CNOT3: variants seen among roughly 807,000 people sequenced by gnomAD.
The protein encoded by CNOT3 is CCR4-associated factor 3.
In CNOT3, 2 loss-of-function variants were observed where a neutral mutation model predicts 89.4. That is an observed-to-expected ratio of 0.02 (90% CI 0.01 to 0.07). The LOEUF (loss-of-function observed/expected upper bound fraction) is 0.07. CNOT3 is among the 10% of genes least tolerant of loss of function. The probability of loss-of-function intolerance (pLI) is 1.00; values close to 1 mark genes in which losing one functional copy is unlikely to be tolerated. For missense variants in CNOT3, 664 were observed against 1,010.2 expected, an observed-to-expected ratio of 0.66 and a Z score of 4.65; for synonymous variants, 486 against 402.0, an observed-to-expected ratio of 1.21 and a Z score of -2.50.
chr19:54,148,068 A>G lies in CNOT3; in HGVS notation c.895-80A>G. Reference sequence around the variant, plus strand: ...GCCAGAGAGGAGGCTGCTGGGACAAAGATGGAGCCTGAGGTGGGGGTGGTG... The same window carrying G: ...GCCAGAGAGGAGGCTGCTGGGACAAGGATGGAGCCTGAGGTGGGGGTGGTG... On this transcript the variant is annotated intron_variant, in intron 10 of 17. Coordinates refer to ENST00000221232, the MANE Select transcript of CNOT3 (RefSeq NM_014516.4). This position sits in a 1 kb window ranked among gnomAD's most constrained non-coding sequence, Gnocchi z 6.3. 2.6e-6 allele frequency: 3 copies of G among 1,152,436 alleles called. No individual in the cohort carries two copies. The highest frequency in any genetic ancestry group is 3.5e-6 in the Non-Finnish European group (3 of 861,206). 71.4% of individuals were successfully genotyped at this position (1,152,436 alleles called of 1,614,324 possible).
chr19:54,146,248 G>A (rs953850106), intron 9 of CNOT3, among the ~76,000 whole-genome samples: 3 of 152,208 alleles, frequency 2.0e-5, no homozygotes, highest in South Asian at 2.1e-4. Flanking sequence ...TGCATCCCGC[G>A]CCAGTTTAGG....
intron 13 of CNOT3, among the ~76,000 whole-genome samples, chr19:54,151,269 C>A (rs1273401796): frequency 1.3e-5 from 2 of 152,114 alleles, no homozygotes; most frequent in Non-Finnish European, 1.5e-5. Context: ...AGAGAAGGAA[C>A]AACATGACTT....
chr19:54,153,972 A>G, intron 17 of CNOT3, 132 bp downstream of exon 17: 1 of 1,160,810 alleles, frequency 8.6e-7, no homozygotes, highest in Non-Finnish European at 1.3e-6. Flanking sequence ...CTGACCAAGT[A>G]CTCCTCCCTC....
Position 54,152,899 on chromosome 19 carries a change from C to A in CNOT3, c.1937C>A (p.Pro646His), listed in dbSNP as rs1249875756. The A allele has an allele frequency of 6.4e-7, 1 of 1,555,346 alleles. No homozygotes were observed. Among genetic ancestry groups the A allele is most frequent in the Non-Finnish European group, 8.7e-7 (1 of 1,142,882 alleles). The change falls in exon 16 of 18, where the codon CCC becomes CAC. Residue 646 changes from proline (P) to histidine (H), a missense_variant. By Grantham distance (77) the Pro-to-His change is moderately conservative. Transcript: ENST00000221232. ...CTCCCCCGGAACCCCTGTCCGACGCCCCCCTACCACCACCAGATGCCACCC... is the reference window on the plus strand; with the variant it reads ...CTCCCCCGGAACCCCTGTCCGACGCACCCCTACCACCACCAGATGCCACCC... ...QYLPRNPCPT[P>H]PYHHQMPPPH... is the part of the protein sequence containing the mutation.
In CNOT3 at chr19:54,146,663, T is replaced by G. The variant is rs2074687421; in HGVS notation, c.894+6T>G. The G allele has an allele frequency of 1.3e-6, 2 of 1,508,634 alleles. No homozygotes were observed. Among genetic ancestry groups the G allele is most frequent in the East Asian group, 2.3e-5 (1 of 44,420 alleles). 93.5% of individuals were successfully genotyped at this position (1,508,634 alleles called of 1,614,324 possible). On this transcript the variant is annotated splice_donor_region_variant and intron_variant, in intron 10 of 17. Coordinates refer to ENST00000221232, the MANE Select transcript of CNOT3 (RefSeq NM_014516.4). ...CAGACAGTGAAGTCAGCCAGGTGGG[T>G]GTGAGCCTGGACCGGGTGGGCACGC...
intron 5 of CNOT3, 43 bp from the exon 6 acceptor site, chr19:54,143,963 T>C (rs1239748915): frequency 6.3e-7 from 1 of 1,582,558 alleles, no homozygotes; most frequent in Non-Finnish European, 8.5e-7. Flanking sequence ...GTCAGCTCCT[T>C]TCCCACCTTT....
chr19:54,147,610 G>A (rs42319), intron 10 of CNOT3, among the ~76,000 whole-genome samples: 41,782 of 152,130 alleles, frequency 0.27, 6,099 homozygotes, highest in East Asian at 0.46. Flanking sequence ...AGTGCTGTCC[G>A]CAGATTGCCT....
Position 54,145,886 on chromosome 19 carries a change from C to T in CNOT3, c.704-24C>T. The T allele has an allele frequency of 3.7e-6, 6 of 1,612,724 alleles. No individual in the cohort carries two copies. Among genetic ancestry groups the T allele is most frequent in the South Asian group, 1.1e-5 (1 of 90,926 alleles). On this transcript the variant is annotated intron_variant, in intron 8 of 17. Coordinates refer to ENST00000221232, the MANE Select transcript of CNOT3 (RefSeq NM_014516.4). The surrounding 1 kb of genome is among the most constrained non-coding windows in gnomAD (Gnocchi z 5.9). ...GAATGGGCTGTGTGAGCCAGCTAAGCATGCCCTTCTTCTGCCCCCACAGCA... is the reference window on the plus strand; with the variant it reads ...GAATGGGCTGTGTGAGCCAGCTAAGTATGCCCTTCTTCTGCCCCCACAGCA...
In CNOT3 at chr19:54,143,996, C is replaced by T. The variant is rs747242641; in HGVS notation, c.259-10C>T. The T allele has an allele frequency of 1.3e-6, 2 of 1,588,328 alleles. No homozygotes were observed. Among genetic ancestry groups the T allele is most frequent in the Admixed American group, 4.0e-5 (2 of 50,412 alleles). On this transcript the variant is annotated splice_polypyrimidine_tract_variant and intron_variant, in intron 5 of 17. Coordinates refer to ENST00000221232, the MANE Select transcript of CNOT3 (RefSeq NM_014516.4). The stretch of plus-strand genomic sequence containing the variant: ...TTTGAGAGCCCCCCTGCCAACTGCA[C>T]TCTCTACAGCAAATGGAACGGTTCA...
Position 54,145,883 on chromosome 19 carries a change from A to G in CNOT3, c.704-27A>G. 6.2e-7 allele frequency: 1 copy of G among 1,612,560 alleles called. No individual in the cohort carries two copies. Among genetic ancestry groups the G allele is most frequent in the Non-Finnish European group, 8.5e-7 (1 of 1,179,302 alleles). On this transcript the variant is annotated intron_variant, in intron 8 of 17. Coordinates refer to ENST00000221232, the MANE Select transcript of CNOT3 (RefSeq NM_014516.4). This position sits in a 1 kb window ranked among gnomAD's most constrained non-coding sequence, Gnocchi z 5.9. ...CCAGAATGGGCTGTGTGAGCCAGCT[A>G]AGCATGCCCTTCTTCTGCCCCCACA...
rs757720625 is a variant in CNOT3 at position 54,145,903 on chromosome 19, C to T, written c.704-7C>T. 6.2e-7 allele frequency: 1 copy of T among 1,613,284 alleles called. No individual in the cohort carries two copies. Among genetic ancestry groups the T allele is most frequent in the Admixed American group, 1.7e-5 (1 of 59,990 alleles). ...CAGCTAAGCATGCCCTTCTTCTGCC[C>T]CCACAGCACAGGCGCTGGTCGCCAC... On this transcript the variant is annotated splice_polypyrimidine_tract_variant and splice_region_variant and intron_variant, in intron 8 of 17. Coordinates refer to ENST00000221232, the MANE Select transcript of CNOT3 (RefSeq NM_014516.4). This position sits in a 1 kb window ranked among gnomAD's most constrained non-coding sequence, Gnocchi z 5.9.
chr19:54,139,786 C>G (rs182450969), intron 1 of CNOT3, among the ~76,000 whole-genome samples: 118 of 152,190 alleles, frequency 7.8e-4, no homozygotes, highest in Non-Finnish European at 1.6e-3. Flanking sequence ...TAGACCCTGT[C>G]CCTGGGACCA....
chr19:54,139,535 C>G (rs2074364223), intron 1 of CNOT3, among the ~76,000 whole-genome samples: 1 of 152,116 alleles, frequency 6.6e-6, no homozygotes, highest in Non-Finnish European at 1.5e-5. Context: ...TTCTTGGTGT[C>G]ACCTCCCCCA....
rs757118467 is a variant in CNOT3, at chr19:54,152,473, C to T, written c.1751C>T (p.Pro584Leu). The T allele has an allele frequency of 8.7e-5, 141 of 1,614,080 alleles. No homozygotes were observed. Among genetic ancestry groups the T allele is most frequent in the Middle Eastern group, 1.6e-4 (1 of 6,084 alleles). The change falls in exon 15 of 18, where the codon CCG becomes CTG. Residue 584 changes from proline (P) to leucine (L), a missense_variant. Physicochemically the swap from Pro to Leu is moderately conservative, Grantham distance 98. This residue lies in a region of CNOT3 where 545 missense variants were observed against 566.2 expected (regional missense o/e 0.96). Transcript: ENST00000221232. Reference protein sequence around the residue: ...STSAPPASAQPPLQLSEVNIP... With the variant: ...STSAPPASAQLPLQLSEVNIP... Reference sequence around the variant, plus strand: ...TCAGCACCTCCGGCCTCAGCCCAGCCGCCCCTGCAGCTGTCAGAGGTGAAC... The same window carrying T: ...TCAGCACCTCCGGCCTCAGCCCAGCTGCCCCTGCAGCTGTCAGAGGTGAAC...
At chr19:54,150,208 C>T (rs1446969210) in intron 13 of CNOT3, among the ~76,000 whole-genome samples, 3 of 151,910 alleles carry the variant, frequency 2.0e-5, no homozygotes, top group African/African-American at 2.4e-5. Context: ...GGGAAGGTTG[C>T]GGTGGGCCCA....
chr19:54,140,510 A>G (rs1479131673), intron 1 of CNOT3, among the ~76,000 whole-genome samples: 19 of 152,144 alleles, frequency 1.2e-4, no homozygotes, highest in African/African-American at 4.6e-4. Context: ...CTCAGGCTCC[A>G]GCTTCCCTTC....
At chr19:54,153,337 C>T (rs1348912542) in intron 16 of CNOT3, 1 of 762,106 alleles carries the variant, frequency 1.3e-6, no homozygotes, top group African/African-American at 1.7e-5. Flanking sequence ...CTCATTGGCA[C>T]ATTCTCAGGC....
At position 54,148,811 on chromosome 19, in the gene CNOT3, AC is replaced by A. The variant is rs2074859356; in HGVS notation, c.1406+73del. 4 of 1,509,458 alleles carry A rather than the reference AC, an allele frequency of 2.6e-6. No individual in the cohort carries two copies. The African/African-American group carries it at 4.1e-5, about 16-fold the overall frequency. 93.5% of individuals were successfully genotyped at this position (1,509,458 alleles called of 1,614,324 possible). On this transcript the variant is annotated intron_variant, in intron 12 of 17. Transcript: ENST00000221232. This position sits in a 1 kb window ranked among gnomAD's most constrained non-coding sequence, Gnocchi z 6.3. ...TGAAACAGAGAGGCGCAGGCGCCTC[AC>A]CCCCGCATCGGTGGGTTCTGAACCC...
Position 54,148,195 on chromosome 19 carries a change from T to A in CNOT3, c.942T>A (p.Pro314=). 6.4e-7 allele frequency: 1 copy of A among 1,573,396 alleles called. No individual in the cohort carries two copies. Among genetic ancestry groups the A allele is most frequent in the East Asian group, 2.3e-5 (1 of 43,562 alleles). Residue 314 remains proline (P), a synonymous_variant, in exon 11 of 18, where the codon CCT becomes CCA. Transcript: ENST00000221232. This position sits in a 1 kb window ranked among gnomAD's most constrained non-coding sequence, Gnocchi z 6.3. ...GSKPVHSNQH[P]QSPAVPPTYP... ...AGCCTGTCCACAGCAACCAGCACCC[T>A]CAGTCCCCAGCTGTGCCGCCCACCT...
Sources: gnomAD v4.1 joint callset for allele counts (sites outside exome capture counted in the v4.1 genomes callset) on GRCh38, gnomAD v4.1.1 for gene constraint, gnomAD v4.1.1 regional missense constraint, Gnocchi (gnomAD v3.1) non-coding constraint, MANE v1.5 for transcripts, NCBI Gene and HGNC (gene_info 2026-07-23, HGNC 2026-07-21) for gene names.